Variants in RALGAPA2 observed in about 807,000 individuals in gnomAD.
RALGAPA2 encodes the protein Ral GTPase activating protein catalytic subunit alpha 2, also known as ral GTPase-activating protein subunit alpha-2.
Under a neutral mutation model 230.4 loss-of-function variants are expected in RALGAPA2, and 139 were observed. The ratio of observed to expected loss-of-function variants is 0.60; its 90% CI spans 0.53 to 0.69. The LOEUF is 0.69. RALGAPA2 is among the 30% of genes least tolerant of loss of function. The pLI is 0.00. For synonymous variants in RALGAPA2, 847 were observed against 837.8 expected (o/e 1.01, Z -0.19); for missense variants, 2,163 against 2,276.0 (o/e 0.95, Z 1.01).
chr20:20,580,659 C>T lies in RALGAPA2; in HGVS notation c.2707+2391G>A, dbSNP rs140667889. ...GGGATCCGTGAGTATAAACTTCTTC[C>T]TCCATGACAATCATTTCCATGTCTG... On this transcript the variant is annotated intron_variant, in intron 20 of 39. Coordinates refer to ENST00000202677, the MANE Select transcript of RALGAPA2 (RefSeq NM_020343.4). 1.7e-3 allele frequency among the ~76,000 whole-genome samples: 262 copies of T among 152,290 alleles called. 1 individual carries two copies. The highest frequency in any genetic ancestry group is 6.1e-3 in the African/African-American group (252 of 41,570).
chr20:20,662,524 A>G (rs993331255), intron 3 of RALGAPA2, among the ~76,000 whole-genome samples: 1 of 152,236 alleles, frequency 6.6e-6, no homozygotes, highest in Non-Finnish European at 1.5e-5. Context: ...GGAAGAAATC[A>G]ATAAAAATAA....
At chr20:20,468,941 CTGTGTG>C (rs373453686) in intron 37 of RALGAPA2, among the ~76,000 whole-genome samples, 3 of 148,060 alleles carry the variant, frequency 2.0e-5, no homozygotes, top group East Asian at 2.0e-4. Flanking sequence ...CACCTCCATC[CTGTGTG>C]TGTGTGTGTG....
chr20:20,589,848 A>G (rs1197395511), intron 17 of RALGAPA2, among the ~76,000 whole-genome samples: 1 of 152,050 alleles, frequency 6.6e-6, no homozygotes, highest in African/African-American at 2.4e-5. Flanking sequence ...TGATCATAAG[A>G]GGATTTTATG....
chr20:20,511,386 C>T, intron 32 of RALGAPA2, 61 bp from the exon 33 acceptor site: 1 of 1,509,250 alleles, frequency 6.6e-7, no homozygotes, highest in East Asian at 2.5e-5. Flanking sequence ...TGCCGCTTTT[C>T]AATCAGTAAT....
intron 16 of RALGAPA2, chr20:20,598,899 C>T (rs892665826): frequency 2.1e-5 from 8 of 373,402 alleles, no homozygotes; most frequent in Non-Finnish European, 4.2e-5. Context: ...TTTCTGGGCT[C>T]TCTTTAAACA....
chr20:20,570,167 C>T (rs2064579043), intron 23 of RALGAPA2, among the ~76,000 whole-genome samples: 1 of 152,126 alleles, frequency 6.6e-6, no homozygotes, highest in South Asian at 2.1e-4. Flanking sequence ...CAGCCTGCTA[C>T]ATGGATGTCC....
rs201245453 is a variant in RALGAPA2 at position 20,428,401 on chromosome 20, G to GA, written c.5496-16254dup. Among the ~76,000 whole-genome samples, 180 of 150,994 alleles carry GA rather than the reference G, an allele frequency of 1.2e-3. 1 individual carries two copies. Among genetic ancestry groups the GA allele is most frequent in the African/African-American group, 4.1e-3 (168 of 41,224 alleles). On this transcript the variant is annotated intron_variant, in intron 37 of 39. Coordinates refer to ENST00000202677, the MANE Select transcript of RALGAPA2 (RefSeq NM_020343.4). ...TTGCAAATTAAGACACTTACTCTTA[G>GA]AAAAAAAAATAGCCAAATTGAATTC... is the stretch of plus-strand genomic sequence containing the variant.
At position 20,711,454 on chromosome 20, in the gene RALGAPA2, G is replaced by A. The variant is rs3748440; in HGVS notation, c.106+921C>T. 2.2e-3 allele frequency among the ~76,000 whole-genome samples: 329 copies of A among 152,248 alleles called. 8 individuals are homozygous for A. The East Asian group carries it at 0.052, about 24-fold the overall frequency. ...ATAGCAAAGGTGTTTTCATCCCAAA[G>A]AAAAGTTAAGACTTAGGATGTAAAA... On this transcript the variant is annotated intron_variant, in intron 1 of 39. Transcript: ENST00000202677.
chr20:20,602,813 C>CGTGTGTGTGT (rs35087554), intron 15 of RALGAPA2, among the ~76,000 whole-genome samples: 16 of 147,784 alleles, frequency 1.1e-4, no homozygotes, highest in African/African-American at 3.7e-4. Context: ...GAATGGCAGG[C>CGTGTGTGTGT]GTGTGTGTGT....
At chr20:20,580,624 C>T (rs2064957008) in intron 20 of RALGAPA2, among the ~76,000 whole-genome samples, 1 of 152,174 alleles carries the variant, frequency 6.6e-6, no homozygotes, top group Admixed American at 6.5e-5. Flanking sequence ...CTGCATGACC[C>T]CTGTTTCCAG....
In RALGAPA2 at chr20:20,481,275, T is replaced by C. The variant is rs2061768331; in HGVS notation, c.5368-8319A>G. Among the ~76,000 whole-genome samples the C allele has an allele frequency of 2.0e-5, 3 of 152,162 alleles. No homozygotes were observed. The South Asian group carries it at 6.2e-4, about 32-fold the overall frequency. On this transcript the variant is annotated intron_variant, in intron 36 of 39. Transcript: ENST00000202677. ...AAAATGATCTGAAATACCCATTTGA[T>C]TTGTGGGGATGGGGATTAATCTTTC...
chr20:20,619,235 G>A (rs369604138), intron 12 of RALGAPA2, 42 bp downstream of exon 12: 4 of 1,538,286 alleles, frequency 2.6e-6, no homozygotes, highest in Non-Finnish European at 2.6e-6. Flanking sequence ...GGCTCCAGCT[G>A]TAGGCGGTGG....
intron 36 of RALGAPA2, among the ~76,000 whole-genome samples, chr20:20,485,989 A>G (rs2061899017): frequency 6.6e-6 from 1 of 151,996 alleles, no homozygotes; most frequent in Admixed American, 6.6e-5. Flanking sequence ...AAAACACAAA[A>G]TTAGCCAGGC....
intron 9 of RALGAPA2, among the ~76,000 whole-genome samples, chr20:20,631,352 C>T (rs984990766): frequency 2.0e-5 from 3 of 152,152 alleles, no homozygotes; most frequent in Admixed American, 1.3e-4. Context: ...CCAGAATCTG[C>T]GAATGTGTTA....
intron 3 of RALGAPA2, among the ~76,000 whole-genome samples, chr20:20,661,516 T>G (rs2067776504): frequency 6.6e-6 from 1 of 152,168 alleles, no homozygotes; most frequent in Non-Finnish European, 1.5e-5. Flanking sequence ...ATATTGTTAA[T>G]TGAAAGATAG....
intron 3 of RALGAPA2, among the ~76,000 whole-genome samples, chr20:20,653,882 T>A (rs1187316834): frequency 6.6e-6 from 1 of 152,146 alleles, no homozygotes; most frequent in Non-Finnish European, 1.5e-5. Flanking sequence ...AATAGCCATT[T>A]CTTAAATATT....
chr20:20,537,588 C>T (rs1295338880), intron 24 of RALGAPA2, among the ~76,000 whole-genome samples: 1 of 148,512 alleles, frequency 6.7e-6, no homozygotes, highest in Non-Finnish European at 1.5e-5. Context: ...CCACTGCACT[C>T]CAGCCTAGGC....
At chr20:20,557,277 C>T (rs1237936686) in intron 23 of RALGAPA2, among the ~76,000 whole-genome samples, 1 of 151,852 alleles carries the variant, frequency 6.6e-6, no homozygotes, top group Non-Finnish European at 1.5e-5. Context: ...CCACTGCACT[C>T]CAGCCTGGGC....
intron 38 of RALGAPA2, among the ~76,000 whole-genome samples, chr20:20,401,977 G>A (rs939568035): frequency 1.3e-5 from 2 of 152,240 alleles, no homozygotes; most frequent in African/African-American, 4.8e-5. Context: ...CCTTCAGGGA[G>A]GGACATTTTG....
Sources: allele counts gnomAD v4.1 joint callset (sites outside exome capture counted in the v4.1 genomes callset), GRCh38; gene constraint gnomAD v4.1.1; transcripts MANE v1.5; gene names NCBI Gene and HGNC (gene_info 2026-07-23, HGNC 2026-07-21).